The following TAFA1 variants were observed in gnomAD, a reference collection of about 807,000 sequenced individuals.
TAFA1 encodes the protein chemokine-like protein TAFA-1.
Under a neutral mutation model 18.5 loss-of-function variants are expected in TAFA1, and 4 were observed. The observed-to-expected ratio is 0.22, with a 90% CI of 0.11 to 0.49. The LOEUF is 0.49. TAFA1 is among the 20% of genes least tolerant of loss of function. The probability of loss-of-function intolerance (pLI) is 0.98; values close to 1 mark genes in which losing one functional copy is unlikely to be tolerated. For missense variants in TAFA1, 147 were observed against 169.0 expected (o/e 0.87, Z 0.72); for synonymous variants, 56 against 55.2 (o/e 1.01, Z -0.06).
At chr3:68,077,087 T>A (rs1474621018) in intron 2 of TAFA1, among the ~76,000 whole-genome samples, 1 of 150,408 alleles carries the variant, frequency 6.6e-6, no homozygotes, top group Non-Finnish European at 1.5e-5. Context: ...CATGTGTTTT[T>A]TGGCTGCATA....
chr3:68,410,893 A>T (rs1191396899), intron 2 of TAFA1, among the ~76,000 whole-genome samples: 2 of 152,178 alleles, frequency 1.3e-5, no homozygotes, highest in East Asian at 1.9e-4. Context: ...AAATATTATC[A>T]TTCTGAAATA....
chr3:68,529,436 T>TAAAAAAA (rs533214097), intron 3 of TAFA1, among the ~76,000 whole-genome samples: 16 of 77,070 alleles, frequency 2.1e-4, no homozygotes, highest in African/African-American at 6.3e-4. Flanking sequence ...CACCATTCTC[T>TAAAAAAA]AAAAAAAAAA....
intron 3 of TAFA1, among the ~76,000 whole-genome samples, chr3:68,530,579 A>G (rs1371013877): frequency 6.6e-6 from 1 of 152,190 alleles, no homozygotes; most frequent in Non-Finnish European, 1.5e-5. Context: ...TTCTTTCATA[A>G]TCACTTCAGA....
At chr3:68,147,019 A>ATGTG (rs35048809) in intron 2 of TAFA1, among the ~76,000 whole-genome samples, 3,096 of 147,654 alleles carry the variant, frequency 0.021, 101 homozygotes, top group East Asian at 0.064. Context: ...GTATATATAT[A>ATGTG]TGTGTGTGTG....
At chr3:68,193,292 T>C (rs1291430925) in intron 2 of TAFA1, among the ~76,000 whole-genome samples, 1 of 151,812 alleles carries the variant, frequency 6.6e-6, no homozygotes, top group Non-Finnish European at 1.5e-5. Flanking sequence ...ACATGGATTA[T>C]TTTGTAATAA....
intron 2 of TAFA1, among the ~76,000 whole-genome samples, chr3:68,121,849 T>G (rs1384285972): frequency 6.6e-6 from 1 of 152,146 alleles, no homozygotes; most frequent in Admixed American, 6.5e-5. Flanking sequence ...ATCTGTAATT[T>G]TGCAGGCATC....
In TAFA1 at chr3:68,487,667, G is replaced by A. The variant is rs752580269; in HGVS notation, c.260-51089G>A. Among the ~76,000 whole-genome samples, 42 of 151,324 alleles carry A rather than the reference G, an allele frequency of 2.8e-4. No homozygotes were observed. The Middle Eastern group carries it at 0.01, about 37-fold the overall frequency. On this transcript the variant is annotated intron_variant, in intron 3 of 4. Transcript: ENST00000478136. ...CTCGGGAGGGTGAGGCAGGAGAACG[G>A]TGTGAACCTGGGAGGTGGAGCTTGC...
chr3:68,263,576 G>T (rs1175762518), intron 2 of TAFA1, among the ~76,000 whole-genome samples: 1 of 151,730 alleles, frequency 6.6e-6, no homozygotes, highest in Non-Finnish European at 1.5e-5. Context: ...TTCATCCTAT[G>T]ACCTCGCTTT....
chr3:68,121,885 G>T (rs1180026070), intron 2 of TAFA1, among the ~76,000 whole-genome samples: 2 of 152,022 alleles, frequency 1.3e-5, no homozygotes, highest in African/African-American at 4.8e-5. Flanking sequence ...TAATTTTGCT[G>T]GGAGGAGGGA....
At chr3:68,441,528 G>C (rs926996965) in intron 3 of TAFA1, among the ~76,000 whole-genome samples, 1 of 152,136 alleles carries the variant, frequency 6.6e-6, no homozygotes, top group Non-Finnish European at 1.5e-5. Context: ...AACCTGAACT[G>C]CCTATCATGA....
intron 2 of TAFA1, among the ~76,000 whole-genome samples, chr3:68,069,030 G>A (rs954008536): frequency 6.6e-6 from 1 of 152,118 alleles, no homozygotes; most frequent in Non-Finnish European, 1.5e-5. Context: ...ATTTTTGGAT[G>A]GTTTTAAGAA....
Position 68,544,978 on chromosome 3 carries a change from C to T in TAFA1, c.*475C>T, listed in dbSNP as rs1156866287. ...TCTAACGGCAAGGAAGATATGTGCCCTTTTGAGAATTCAAGATGGCACTGA... is the reference window on the plus strand; with the variant it reads ...TCTAACGGCAAGGAAGATATGTGCCTTTTTGAGAATTCAAGATGGCACTGA... On this transcript the variant is annotated 3_prime_UTR_variant, in exon 5 of 5. Coordinates refer to ENST00000478136, the MANE Select transcript of TAFA1 (RefSeq NM_213609.4). 6.6e-6 allele frequency: 1 copy of T among 152,230 alleles called. No homozygotes were observed. Among genetic ancestry groups the T allele is most frequent in the African/African-American group, 2.4e-5 (1 of 41,326 alleles). The allele number at this position is 152,230 out of a possible 1,614,324, so 9.4% of individuals were successfully genotyped here.
At chr3:68,169,769 T>C (rs1301844717) in intron 2 of TAFA1, among the ~76,000 whole-genome samples, 2 of 152,176 alleles carry the variant, frequency 1.3e-5, no homozygotes, top group Admixed American at 6.5e-5. Flanking sequence ...ACAAGAATAG[T>C]ATATGGGTGA....
intron 3 of TAFA1, among the ~76,000 whole-genome samples, chr3:68,429,239 A>T (rs2071118458): frequency 6.6e-6 from 1 of 151,926 alleles, no homozygotes; most frequent in South Asian, 2.1e-4. Context: ...ATGGAACACT[A>T]CTTAGAGTAG....
intron 3 of TAFA1, among the ~76,000 whole-genome samples, chr3:68,458,278 G>T (rs1242728123): frequency 6.6e-6 from 1 of 152,070 alleles, no homozygotes; most frequent in Non-Finnish European, 1.5e-5. Flanking sequence ...AGTTTCCTGA[G>T]GCCTCCACAG....
intron 2 of TAFA1, among the ~76,000 whole-genome samples, chr3:68,378,274 T>A (rs879343681): frequency 4.6e-5 from 7 of 152,142 alleles, no homozygotes; most frequent in Non-Finnish European, 8.8e-5. Flanking sequence ...ACATCTTGCA[T>A]CAACATGCCA....
chr3:68,144,079 A>G (rs1451654047), intron 2 of TAFA1, among the ~76,000 whole-genome samples: 2 of 152,122 alleles, frequency 1.3e-5, no homozygotes, highest in Non-Finnish European at 2.9e-5. Flanking sequence ...AACCCTAAAA[A>G]CAAATTTAAG....
chr3:68,230,012 A>G (rs1201045923), intron 2 of TAFA1, among the ~76,000 whole-genome samples: 2 of 152,122 alleles, frequency 1.3e-5, no homozygotes, highest in Non-Finnish European at 2.9e-5. Context: ...GTACATGTAC[A>G]TGGGGTACAT....
At chr3:68,065,767 C>T (rs71623297) in intron 2 of TAFA1, among the ~76,000 whole-genome samples, 719 of 39,478 alleles carry the variant, frequency 0.018, 6 homozygotes, top group South Asian at 0.07. Flanking sequence ...TATATATATA[C>T]ACACACATTA....
Sources: gnomAD v4.1 joint callset for allele counts (sites outside exome capture counted in the v4.1 genomes callset) on GRCh38, gnomAD v4.1.1 for gene constraint, MANE v1.5 for transcripts, NCBI Gene and HGNC (gene_info 2026-07-23, HGNC 2026-07-21) for gene names.